The following PCDHGA5 variants were observed in gnomAD, a reference collection of about 807,000 sequenced individuals.
The protein encoded by PCDHGA5 is protocadherin gamma subfamily A, 5.
PCDHGA5 carries 36 observed loss-of-function variants against 56.7 expected under a neutral mutation model. The observed-to-expected ratio is 0.64, with a 90% confidence interval of 0.49 to 0.84. The LOEUF (loss-of-function observed/expected upper bound fraction) is 0.84. Among genes scored for constraint, PCDHGA5 ranks in the 40% least tolerant of loss-of-function variants. The pLI, the probability that PCDHGA5 is intolerant of heterozygous loss-of-function variation, is 0.00. For missense variants in PCDHGA5, 1,305 were observed against 1,201.5 expected, an observed-to-expected ratio of 1.09 and a Z score of -1.27; for synonymous variants, 563 against 520.2, an observed-to-expected ratio of 1.08 and a Z score of -1.12.
rs866190808 is a variant in PCDHGA5 at position 141,376,751 on chromosome 5, A to G, written c.2421+10000A>G. On this transcript the variant is annotated intron_variant, in intron 1 of 3. Transcript: ENST00000518069. ...CCGGACTGCGGACTGCAGTGGCGCA[A>G]TCTCGGCTCACTGCAAGCTCCGCTT... The G allele has an allele frequency of 1.3e-4, 58 of 460,324 alleles. 1 individual carries two copies. Among genetic ancestry groups the G allele is most frequent in the African/African-American group, 1.1e-3 (50 of 46,164 alleles). 28.5% of individuals were successfully genotyped at this position (460,324 alleles called of 1,614,324 possible).
In PCDHGA5 at chr5:141,490,081, T is replaced by A; in HGVS notation, c.2422-4726T>A. Reference sequence around the variant, plus strand: ...CACCAACGGCCAACTAGACTATTCTTTTGGAGACCACACATCTGAGGCAGT... The same window carrying A: ...CACCAACGGCCAACTAGACTATTCTATTGGAGACCACACATCTGAGGCAGT... On this transcript the variant is annotated intron_variant, in intron 1 of 3. Coordinates refer to ENST00000518069, the MANE Select transcript of PCDHGA5 (RefSeq NM_018918.3). The surrounding 1 kb of genome is among the most constrained non-coding windows in gnomAD (Gnocchi z 5.4). 3 of 1,614,216 alleles carry A rather than the reference T, an allele frequency of 1.9e-6. No homozygotes were observed. Among genetic ancestry groups the A allele is most frequent in the Non-Finnish European group, 2.5e-6 (3 of 1,180,040 alleles).
At chr5:141,430,928 C>A in intron 1 of PCDHGA5, 1 of 1,607,098 alleles carries the variant, frequency 6.2e-7, no homozygotes, top group Non-Finnish European at 8.5e-7. Context: ...GCTGGAGCCC[C>A]GGGAGCTCGC....
At chr5:141,422,281 T>C in intron 1 of PCDHGA5, 1 of 1,557,044 alleles carries the variant, frequency 6.4e-7, no homozygotes, top group Middle Eastern at 1.7e-4. Context: ...AACTATCACC[T>C]CTTCTATTAA....
rs543657386 is a variant in PCDHGA5, at chr5:141,370,919, T to C, written c.2421+4168T>C. 135 of 1,613,966 alleles carry C rather than the reference T, an allele frequency of 8.4e-5. No homozygotes were observed. The South Asian group carries it at 1.4e-3, about 17-fold the overall frequency. On this transcript the variant is annotated intron_variant, in intron 1 of 3. Coordinates refer to ENST00000518069, the MANE Select transcript of PCDHGA5 (RefSeq NM_018918.3). ...TGCAGCAGTACTACCTCAGCCCTGA[T>C]CCGCACTTCTCTTTGATTCAGAAGG... is the stretch of plus-strand genomic sequence containing the variant.
Position 141,384,300 on chromosome 5 carries a change from AG to A in PCDHGA5, c.2421+17553del, listed in dbSNP as rs751826409. The A allele has an allele frequency of 3.1e-6, 5 of 1,613,658 alleles. No homozygotes were observed. In the Admixed American group the frequency reaches 8.3e-5, roughly 27 times the overall value. On this transcript the variant is annotated intron_variant, in intron 1 of 3. Transcript: ENST00000518069. ...TCTACATCGCTGAGAACAACCCCAG[AG>A]GGGCCTCCATTTTCTTAGTGACTGC...
intron 1 of PCDHGA5, chr5:141,413,265 T>A (rs1301684620): frequency 6.2e-7 from 1 of 1,613,840 alleles, no homozygotes; most frequent in African/African-American, 1.3e-5. Context: ...CATGGGAGGC[T>A]GGAGCCCGGC....
chr5:141,458,394 T>A (rs2098944697), intron 1 of PCDHGA5, among the ~76,000 whole-genome samples: 1 of 152,062 alleles, frequency 6.6e-6, no homozygotes, highest in African/African-American at 2.4e-5. Context: ...ACGCTCCCCC[T>A]TGCAGAGACG....
intron 1 of PCDHGA5, chr5:141,409,281 C>A (rs1238898498): frequency 6.2e-7 from 1 of 1,613,874 alleles, no homozygotes; most frequent in Non-Finnish European, 8.5e-7. Flanking sequence ...TTGGAGAATT[C>A]ACCTCCAGGA....
rs1489838873 is a variant in PCDHGA5, at chr5:141,364,437, C to T, written c.107C>T (p.Pro36Leu). Residue 36 changes from proline (P) to leucine (L), a missense_variant, in exon 1 of 4, where the codon CCG becomes CTG. Transcript: ENST00000518069. ...PGSGQIRYSMPEELDKGSFVG... is the reference protein window; with the variant it reads ...PGSGQIRYSMLEELDKGSFVG... ...TCCGGGCAGATCCGCTACTCGATGC[C>T]GGAGGAGCTGGACAAAGGCTCCTTC... 9.9e-6 allele frequency: 16 copies of T among 1,613,832 alleles called. No homozygotes were observed. The highest frequency in any genetic ancestry group is 3.3e-4 in the Middle Eastern group (2 of 6,060).
At chr5:141,420,651 T>A (rs1357679146) in intron 1 of PCDHGA5, among the ~76,000 whole-genome samples, 1 of 152,274 alleles carries the variant, frequency 6.6e-6, no homozygotes, top group East Asian at 1.9e-4. Flanking sequence ...GTAAGAATTA[T>A]AGTTAGGCAT....
chr5:141,399,697 T>C, intron 1 of PCDHGA5: 1 of 1,613,436 alleles, frequency 6.2e-7, no homozygotes. Context: ...GCTGCGCACC[T>C]TCGAACTCAC....
intron 1 of PCDHGA5, among the ~76,000 whole-genome samples, chr5:141,467,486 T>A (rs985186472): frequency 6.6e-6 from 1 of 152,242 alleles, no homozygotes; most frequent in Non-Finnish European, 1.5e-5. Flanking sequence ...GGTTTCCACA[T>A]TTAGATCCCT....
At chr5:141,469,372 C>A (rs780872014) in intron 1 of PCDHGA5, among the ~76,000 whole-genome samples, 1 of 151,990 alleles carries the variant, frequency 6.6e-6, no homozygotes, top group East Asian at 1.9e-4. Context: ...GTAAAGAGAT[C>A]GAGACCATCC....
chr5:141,493,021 G>C lies in PCDHGA5; in HGVS notation c.2422-1786G>C, dbSNP rs1261539371. On this transcript the variant is annotated intron_variant, in intron 1 of 3. Transcript: ENST00000518069. This position sits in a 1 kb window ranked among gnomAD's most constrained non-coding sequence, Gnocchi z 4.3. ...AGCTATAGGCTCTGCCAGATGCCAG[G>C]GTGCCCTTATGTGTGAGGAAACTAC... Among the ~76,000 whole-genome samples, 1 of 152,180 alleles carries C rather than the reference G, an allele frequency of 6.6e-6. No individual in the cohort carries two copies. The highest frequency in any genetic ancestry group is 6.5e-5 in the Admixed American group (1 of 15,284).
At position 141,494,824 on chromosome 5, in the gene PCDHGA5, G is replaced by C; in HGVS notation, c.2439G>C (p.Thr813=). 6.2e-7 allele frequency: 1 copy of C among 1,614,042 alleles called. No individual in the cohort carries two copies. Among genetic ancestry groups the C allele is most frequent in the East Asian group, 2.2e-5 (1 of 44,866 alleles). The change falls in exon 2 of 4, where the codon ACG becomes ACC. Residue 813 remains threonine, a synonymous_variant. Transcript: ENST00000518069. The part of the protein sequence containing the change: ...ERRVQQAPPN[T]DWRFSQAQRP... ...CTCCACAGCAAGCCCCGCCCAACAC[G>C]GACTGGCGTTTCTCTCAGGCCCAGA...
At chr5:141,374,753 A>C in intron 1 of PCDHGA5, 1 of 1,612,912 alleles carries the variant, frequency 6.2e-7, no homozygotes, top group Admixed American at 1.7e-5. Context: ...TGTCCGCTCA[A>C]GCGTCGCCCA....
intron 1 of PCDHGA5, among the ~76,000 whole-genome samples, chr5:141,492,798 C>T (rs1219815576): frequency 6.6e-6 from 1 of 152,250 alleles, no homozygotes; most frequent in Non-Finnish European, 1.5e-5. Flanking sequence ...GACAGCAGGA[C>T]TGGGACTCCA....
At chr5:141,415,040 C>T (rs772941952) in intron 1 of PCDHGA5, 8 of 1,613,520 alleles carry the variant, frequency 5.0e-6, no homozygotes, top group South Asian at 1.1e-5. Context: ...GGACTCTTCG[C>T]GGTGGGGGAG....
rs768648952 is a variant in PCDHGA5, at chr5:141,477,230, G to T, written c.2422-17577G>T. 14 of 1,614,046 alleles carry T rather than the reference G, an allele frequency of 8.7e-6. No homozygotes were observed. The highest frequency in any genetic ancestry group is 4.0e-5 in the African/African-American group (3 of 74,916). On this transcript the variant is annotated intron_variant, in intron 1 of 3. Transcript: ENST00000518069. The surrounding 1 kb of genome is among the most constrained non-coding windows in gnomAD (Gnocchi z 4.9). Reference sequence around the variant, plus strand: ...GGATGCCCCTCTGGGGACTGTCATCGCTTTGCTCAGTGTGACTGACCTGGA... The same window carrying T: ...GGATGCCCCTCTGGGGACTGTCATCTCTTTGCTCAGTGTGACTGACCTGGA...
Sources: gnomAD v4.1 joint callset for allele counts (sites outside exome capture counted in the v4.1 genomes callset) on GRCh38, gnomAD v4.1.1 for gene constraint, Gnocchi (gnomAD v3.1) non-coding constraint, MANE v1.5 for transcripts, NCBI Gene and HGNC (gene_info 2026-07-23, HGNC 2026-07-21) for gene names.